DPEP1: variants seen among roughly 807,000 people sequenced by gnomAD.
The protein encoded by DPEP1 is dipeptidase 1.
In DPEP1, 50 loss-of-function variants were observed where a neutral mutation model predicts 42.3. The observed-to-expected ratio is 1.18, with a 90% CI of 0.94 to 1.50. The LOEUF is 1.50. DPEP1 is among the 40% of genes most tolerant of loss of function. DPEP1 has a pLI of 0.00. For missense variants in DPEP1, 663 were observed against 553.0 expected (o/e 1.20, Z -1.99); for synonymous variants, 297 against 234.0 (o/e 1.27, Z -2.46).
intron 1 of DPEP1, among the ~76,000 whole-genome samples, chr16:89,616,451 G>A (rs1354116721): frequency 1.3e-5 from 2 of 152,276 alleles, no homozygotes; most frequent in East Asian, 3.9e-4. Flanking sequence ...GGGGTCCTTG[G>A]ATGGAGGAGG....
At chr16:89,616,158 G>T (rs985918498) in intron 1 of DPEP1, among the ~76,000 whole-genome samples, 4 of 152,002 alleles carry the variant, frequency 2.6e-5, no homozygotes, top group African/African-American at 9.7e-5. Flanking sequence ...GTGGGGCTTC[G>T]GGGGCTGGGC....
chr16:89,641,314 G>T (rs545858706), downstream of DPEP1, among the ~76,000 whole-genome samples: 946 of 152,212 alleles, frequency 6.2e-3, 6 homozygotes, highest in Non-Finnish European at 8.7e-3. Context: ...TTCCCTTTCC[G>T]GCTCTGCTAA....
At chr16:89,640,610 C>G, downstream of DPEP1, 1 of 982,306 alleles carries the variant, frequency 1.0e-6, no homozygotes. Flanking sequence ...TGCTGATCAT[C>G]CAGGATCCAC....
Position 89,625,149 on chromosome 16 carries a change from G to A in DPEP1, c.-106-5156G>A, listed in dbSNP as rs76527868. Among the ~76,000 whole-genome samples the A allele has an allele frequency of 0.024, 3,588 of 152,098 alleles. 601 individuals are homozygous for A. In the East Asian group the frequency reaches 0.48, roughly 20 times the overall value. Reference sequence around the variant, plus strand: ...CCTGGATTCAGCGTGCTTTGGCCTCGGACTCTCTCCCCCTGACCTTGGTGT... The same window carrying A: ...CCTGGATTCAGCGTGCTTTGGCCTCAGACTCTCTCCCCCTGACCTTGGTGT... On this transcript the variant is annotated intron_variant, in intron 1 of 10. Transcript: ENST00000690203.
intron 6 of DPEP1, 81 bp downstream of exon 6, chr16:89,637,016 A>T (rs445537): frequency 1.3e-6 from 2 of 1,571,540 alleles, no homozygotes; most frequent in East Asian, 4.5e-5. Context: ...GCATCTCCTC[A>T]CGTGGGACCT....
intron 1 of DPEP1, among the ~76,000 whole-genome samples, chr16:89,625,854 A>G (rs909973626): frequency 6.6e-6 from 1 of 152,172 alleles, no homozygotes; most frequent in African/African-American, 2.4e-5. Flanking sequence ...ACTGAGGCCG[A>G]GAAATTGAAC....
chr16:89,640,187 A>G (rs1023373585), downstream of DPEP1, among the ~76,000 whole-genome samples: 2 of 152,202 alleles, frequency 1.3e-5, no homozygotes, highest in Non-Finnish European at 2.9e-5. Flanking sequence ...ACAGGGCAGG[A>G]CAGGACCCCC....
chr16:89,615,036 C>A (rs147134055), intron 1 of DPEP1, among the ~76,000 whole-genome samples: 2 of 152,104 alleles, frequency 1.3e-5, no homozygotes, highest in African/African-American at 4.8e-5. Flanking sequence ...GGCGTCTGAC[C>A]CCATGGAGAA....
chr16:89,616,255 T>C (rs542309897), intron 1 of DPEP1, among the ~76,000 whole-genome samples: 92 of 152,102 alleles, frequency 6.0e-4, no homozygotes, highest in African/African-American at 2.1e-3. Flanking sequence ...GTAGCCAGTG[T>C]CGACGAAACA....
intron 8 of DPEP1, 35 bp downstream of exon 8, chr16:89,637,587 G>A (rs371395043): frequency 9.3e-6 from 15 of 1,612,838 alleles, no homozygotes; most frequent in South Asian, 2.2e-5. Context: ...GGGGCCGAAG[G>A]GGGAGGGCCT....
At chr16:89,622,298 C>A (rs537890532) in intron 1 of DPEP1, among the ~76,000 whole-genome samples, 20 of 152,128 alleles carry the variant, frequency 1.3e-4, no homozygotes, top group Non-Finnish European at 2.9e-4. Context: ...CTGGGCAGGA[C>A]AAAGGACCCT....
chr16:89,628,034 T>C (rs1429378808), intron 1 of DPEP1, among the ~76,000 whole-genome samples: 2 of 151,972 alleles, frequency 1.3e-5, no homozygotes, highest in Non-Finnish European at 2.9e-5. Context: ...GCCATTCTCC[T>C]GCCTCAGCCT....
rs765181478 is a variant in DPEP1, at chr16:89,635,769, C to T, written c.105-139C>T. 4.7e-4 allele frequency: 563 copies of T among 1,210,556 alleles called. 1 individual carries two copies. Among genetic ancestry groups the T allele is most frequent in the Non-Finnish European group, 6.1e-4 (545 of 899,816 alleles). The allele number at this position is 1,210,556 out of a possible 1,614,324, so 75.0% of individuals were successfully genotyped here. On this transcript the variant is annotated intron_variant, in intron 2 of 10. Coordinates refer to ENST00000690203, the MANE Select transcript of DPEP1 (RefSeq NM_001389466.1). ...TGTTCAGGTGGCCGGTGATATGTCACCCCCGCGGCCTAGACTTCAGTCCTG... is the reference window on the plus strand; with the variant it reads ...TGTTCAGGTGGCCGGTGATATGTCATCCCCGCGGCCTAGACTTCAGTCCTG...
At chr16:89,618,628 A>G (rs919794002) in intron 1 of DPEP1, among the ~76,000 whole-genome samples, 8 of 151,914 alleles carry the variant, frequency 5.3e-5, no homozygotes, top group Admixed American at 3.3e-4. Flanking sequence ...TCAGCTTCCC[A>G]AGTAACTGTG....
At chr16:89,639,509 CCTCATCCTT>C (rs2059728431), downstream of DPEP1, among the ~76,000 whole-genome samples, 1 of 129,984 alleles carries the variant, frequency 7.7e-6, no homozygotes, top group Admixed American at 7.8e-5. Flanking sequence ...CTGCACACAC[CCTCATCCTT>C]GCACACACAC....
Position 89,635,891 on chromosome 16 carries a change from TC to T in DPEP1, c.105-13del, listed in dbSNP as rs751712409. The T allele has an allele frequency of 2.8e-5, 45 of 1,581,054 alleles. No individual in the cohort carries two copies. The highest frequency in any genetic ancestry group is 3.9e-5 in the Non-Finnish European group (45 of 1,163,256). ...GTGGCCGCCCTGACTGCCTGGCCTC[TC>T]CCCGGCAAACTCCAGGCACAATGAC... On this transcript the variant is annotated splice_polypyrimidine_tract_variant and intron_variant, in intron 2 of 10. Coordinates refer to ENST00000690203, the MANE Select transcript of DPEP1 (RefSeq NM_001389466.1).
At chr16:89,625,774 T>C (rs948100142) in intron 1 of DPEP1, among the ~76,000 whole-genome samples, 1 of 152,140 alleles carries the variant, frequency 6.6e-6, no homozygotes, top group Non-Finnish European at 1.5e-5. Context: ...GAGTGGCTGG[T>C]ACCTTTGTGC....
intron 1 of DPEP1, among the ~76,000 whole-genome samples, chr16:89,616,597 C>T (rs1024434666): frequency 2.0e-5 from 3 of 152,226 alleles, no homozygotes; most frequent in African/African-American, 7.2e-5. Flanking sequence ...CTGGGACCTG[C>T]AGCAGGATTC....
At chr16:89,631,985 G>A (rs1291678012) in intron 2 of DPEP1, among the ~76,000 whole-genome samples, 2 of 152,166 alleles carry the variant, frequency 1.3e-5, no homozygotes, top group Non-Finnish European at 2.9e-5. Flanking sequence ...CAGCAGGGAG[G>A]AGGGAGACAT....
Sources: gnomAD v4.1 joint callset for allele counts (sites outside exome capture counted in the v4.1 genomes callset) on GRCh38, gnomAD v4.1.1 for gene constraint, MANE v1.5 for transcripts, NCBI Gene and HGNC (gene_info 2026-07-23, HGNC 2026-07-21) for gene names.